The following IL15 variants were observed in gnomAD, a reference collection of about 807,000 sequenced individuals.
The protein encoded by IL15 is interleukin-15.
IL15 carries 11 observed loss-of-function variants against 19.6 expected under a neutral mutation model. The observed-to-expected ratio is 0.56, with a 90% CI of 0.35 to 0.93. The LOEUF is 0.93. Ranked by LOEUF, IL15 falls within the 40% of genes least tolerant of loss-of-function variation. The pLI is 0.01. For synonymous variants in IL15, 58 were observed against 59.6 expected, an observed-to-expected ratio of 0.97 and a Z score of 0.12; for missense variants, 197 against 186.5, an observed-to-expected ratio of 1.06 and a Z score of -0.33.
At chr4:141,685,334 G>A (rs1018883734) in intron 2 of IL15, among the ~76,000 whole-genome samples, 8 of 152,134 alleles carry the variant, frequency 5.3e-5, no homozygotes, top group Non-Finnish European at 8.8e-5. Context: ...TTTTGAAAAG[G>A]TTGAAAAGCT....
chr4:141,672,116 CATT>C (rs779657186), intron 2 of IL15, among the ~76,000 whole-genome samples: 5 of 152,150 alleles, frequency 3.3e-5, no homozygotes, highest in Admixed American at 6.5e-5. Flanking sequence ...AGTTCATAGT[CATT>C]GTTGTTTGTA....
chr4:141,648,909 T>A (rs569188021), intron 1 of IL15, among the ~76,000 whole-genome samples: 1 of 152,252 alleles, frequency 6.6e-6, no homozygotes, highest in African/African-American at 2.4e-5. Context: ...GGATATTTAT[T>A]GATCACTTTC....
intron 2 of IL15, among the ~76,000 whole-genome samples, chr4:141,666,011 T>G (rs778106098): frequency 6.6e-6 from 1 of 152,014 alleles, no homozygotes; most frequent in Non-Finnish European, 1.5e-5. Flanking sequence ...TGTCATAATG[T>G]TGGGGCTCTT....
Position 141,646,558 on chromosome 4 carries a change from C to A in IL15, c.-221-9628C>A, listed in dbSNP as rs145489172. On this transcript the variant is annotated intron_variant, in intron 1 of 7. Coordinates refer to ENST00000320650, the MANE Select transcript of IL15 (RefSeq NM_000585.5). ...GCCTCACCAGCACTCCCTGTCCCAA[C>A]CCTGTTTGGGAATTCAGATTATTTT... Among the ~76,000 whole-genome samples the A allele has an allele frequency of 4.8e-3, 732 of 152,176 alleles. 2 individuals carry two copies. Among genetic ancestry groups the A allele is most frequent in the Non-Finnish European group, 7.6e-3 (514 of 67,970 alleles).
chr4:141,709,647 T>A (rs765595552), intron 2 of IL15, among the ~76,000 whole-genome samples: 11 of 152,242 alleles, frequency 7.2e-5, no homozygotes, highest in Non-Finnish European at 1.3e-4. Context: ...CTAAAAACTA[T>A]GTTAAAATAT....
At chr4:141,644,590 C>A (rs2152151710) in intron 1 of IL15, among the ~76,000 whole-genome samples, 1 of 152,196 alleles carries the variant, frequency 6.6e-6, no homozygotes, top group East Asian at 1.9e-4. Context: ...CTTTCAGGAT[C>A]CCCCATAGCT....
At chr4:141,652,493 T>A (rs1341511560) in intron 1 of IL15, among the ~76,000 whole-genome samples, 1 of 152,126 alleles carries the variant, frequency 6.6e-6, no homozygotes, top group Non-Finnish European at 1.5e-5. Flanking sequence ...TGCTTTTTTA[T>A]ATAGACTTGA....
chr4:141,677,543 G>T (rs192346300), intron 2 of IL15, among the ~76,000 whole-genome samples: 189 of 152,236 alleles, frequency 1.2e-3, no homozygotes, highest in African/African-American at 4.0e-3. Flanking sequence ...CCCAGCCCGA[G>T]TTGTTCAAGG....
chr4:141,670,711 A>G (rs1490184147), intron 2 of IL15, among the ~76,000 whole-genome samples: 1 of 152,240 alleles, frequency 6.6e-6, no homozygotes, highest in Non-Finnish European at 1.5e-5. Flanking sequence ...TTTGAAATCT[A>G]TAGAGTATTA....
At chr4:141,716,795 G>A (rs1403314257) in intron 2 of IL15, 1 of 152,300 alleles carries the variant, frequency 6.6e-6, no homozygotes, top group Non-Finnish European at 1.5e-5. Flanking sequence ...TGAGGCCTTA[G>A]GGGTCCAACC....
In IL15 at chr4:141,674,290, A is replaced by G. The variant is rs548596787; in HGVS notation, c.-100+17983A>G. Among the ~76,000 whole-genome samples the G allele has an allele frequency of 3.9e-5, 6 of 152,326 alleles. No homozygotes were observed. In the East Asian group the frequency reaches 1.2e-3, roughly 29 times the overall value. ...TCTGTGTGCTTTGTGGAGTCATTTG[A>G]TTATTTGTGTAGTATCTCACATGAG... On this transcript the variant is annotated intron_variant, in intron 2 of 7. Transcript: ENST00000320650.
At chr4:141,726,000 G>T (rs1242116654) in intron 5 of IL15, among the ~76,000 whole-genome samples, 2 of 152,050 alleles carry the variant, frequency 1.3e-5, no homozygotes, top group African/African-American at 4.8e-5. Context: ...TGCTAGCTCA[G>T]GTCTCTCTTC....
intron 3 of IL15, among the ~76,000 whole-genome samples, chr4:141,719,937 A>G (rs2152189511): frequency 6.6e-6 from 1 of 152,310 alleles, no homozygotes; most frequent in Non-Finnish European, 1.5e-5. Context: ...TAAATCACCA[A>G]GAAAGATTAT....
intron 2 of IL15, among the ~76,000 whole-genome samples, chr4:141,678,382 AT>A (rs1384941302): frequency 1.3e-5 from 2 of 151,056 alleles, no homozygotes; most frequent in South Asian, 2.1e-4. Context: ...TCGTAGTCAT[AT>A]TTTTTTTTCT....
At chr4:141,696,988 C>G (rs910140189) in intron 2 of IL15, among the ~76,000 whole-genome samples, 3 of 151,906 alleles carry the variant, frequency 2.0e-5, no homozygotes, top group Non-Finnish European at 4.4e-5. Flanking sequence ...GATTATTTCT[C>G]TTGCTGTGCA....
At chr4:141,686,404 A>G (rs560239004) in intron 2 of IL15, among the ~76,000 whole-genome samples, 195 of 152,346 alleles carry the variant, frequency 1.3e-3, no homozygotes, top group African/African-American at 4.5e-3. Context: ...GGTGCATCAA[A>G]ATAATAAATT....
chr4:141,704,197 A>G (rs1179539061), intron 2 of IL15, among the ~76,000 whole-genome samples: 2 of 152,188 alleles, frequency 1.3e-5, no homozygotes, highest in East Asian at 1.9e-4. Flanking sequence ...GTTTTGTCAT[A>G]TATGACCTAC....
chr4:141,719,503 C>T (rs1474497749), intron 3 of IL15, 27 bp downstream of exon 3: 8 of 1,287,378 alleles, frequency 6.2e-6, no homozygotes. Flanking sequence ...ATGAAAATAT[C>T]CTATGGAATT....
Position 141,722,490 on chromosome 4 carries a change from A to T in IL15, c.195+482A>T, listed in dbSNP as rs548982788. On this transcript the variant is annotated intron_variant, in intron 5 of 7. Transcript: ENST00000320650. ...ACAAAGTTCTGAAAACTAAATTGTC[A>T]TTGGAATCACAGCATTAAAAAATAG... Among the ~76,000 whole-genome samples, 4 of 152,324 alleles carry T rather than the reference A, an allele frequency of 2.6e-5. No homozygotes were observed. The South Asian group carries it at 8.3e-4, about 32-fold the overall frequency.
Sources: gnomAD v4.1 joint callset for allele counts (sites outside exome capture counted in the v4.1 genomes callset) on GRCh38, gnomAD v4.1.1 for gene constraint, MANE v1.5 for transcripts, NCBI Gene and HGNC (gene_info 2026-07-23, HGNC 2026-07-21) for gene names.